Variants in GPCPD1 observed in about 807,000 individuals in gnomAD.
GPCPD1 encodes glycerophosphocholine phosphodiesterase GPCPD1.
In GPCPD1, 29 loss-of-function variants were observed where a neutral mutation model predicts 89.2. The ratio of observed to expected loss-of-function variants is 0.33; its 90% CI spans 0.24 to 0.44. GPCPD1 has a LOEUF of 0.44. Among genes scored for constraint, GPCPD1 ranks in the 20% least tolerant of loss-of-function variants. The pLI is 1.00. For synonymous variants in GPCPD1, 258 were observed against 266.3 expected (o/e 0.97, Z 0.30); for missense variants, 594 against 808.9 (o/e 0.73, Z 3.22).
chr20:5,576,206 G>T (rs1308613540), intron 8 of GPCPD1, among the ~76,000 whole-genome samples: 1 of 151,852 alleles, frequency 6.6e-6, no homozygotes, highest in Non-Finnish European at 1.5e-5. Flanking sequence ...AGATCACAAG[G>T]TCAGGAGTTT....
At chr20:5,582,063 G>A (rs1179411826) in intron 6 of GPCPD1, among the ~76,000 whole-genome samples, 1 of 147,602 alleles carries the variant, frequency 6.8e-6, no homozygotes, top group African/African-American at 2.5e-5. Flanking sequence ...GCGGGCGCCT[G>A]TAGTCCCAGC....
intron 13 of GPCPD1, 147 bp downstream of exon 13, chr20:5,567,336 C>A: frequency 1.0e-6 from 1 of 980,926 alleles, no homozygotes; most frequent in Non-Finnish European, 1.4e-6. Flanking sequence ...GAACCCTTCT[C>A]CCAAACAGAA....
At chr20:5,602,584 T>C (rs1475240099) in intron 2 of GPCPD1, among the ~76,000 whole-genome samples, 2 of 152,250 alleles carry the variant, frequency 1.3e-5, no homozygotes, top group East Asian at 1.9e-4. Context: ...AAGCTAGATG[T>C]AGTGTGAGTC....
intron 1 of GPCPD1, among the ~76,000 whole-genome samples, chr20:5,610,493 T>C (rs1980892999): frequency 6.6e-6 from 1 of 152,132 alleles, no homozygotes; most frequent in Non-Finnish European, 1.5e-5. Flanking sequence ...TTGGTGTCTT[T>C]GTTCCCCGAC....
Position 5,557,905 on chromosome 20 carries a change from C to T in GPCPD1, c.1829+40G>A, listed in dbSNP as rs201373305. The T allele has an allele frequency of 3.3e-5, 38 of 1,148,520 alleles. No individual in the cohort carries two copies. The African/African-American group carries it at 5.5e-4, about 16-fold the overall frequency. 71.1% of individuals were successfully genotyped at this position (1,148,520 alleles called of 1,614,324 possible). On this transcript the variant is annotated intron_variant, in intron 19 of 19. Coordinates refer to ENST00000379019, the MANE Select transcript of GPCPD1 (RefSeq NM_019593.5). Reference sequence around the variant, plus strand: ...ATAATTTCGTAAGATGAAATCTATACTTCTAAATTCCATGAAAATTTTTCA... The same window carrying T: ...ATAATTTCGTAAGATGAAATCTATATTTCTAAATTCCATGAAAATTTTTCA...
intron 14 of GPCPD1, 114 bp from the exon 15 acceptor site, chr20:5,565,192 G>C (rs1374786410): frequency 2.4e-5 from 16 of 662,416 alleles, no homozygotes; most frequent in Non-Finnish European, 3.8e-5. Flanking sequence ...GTGTGTGTGT[G>C]AGCAAGCGCG....
In GPCPD1 at chr20:5,548,081, G is replaced by A. The variant is rs528926179; in HGVS notation, c.1830-231C>T. 3.3e-5 allele frequency among the ~76,000 whole-genome samples: 5 copies of A among 152,178 alleles called. 1 individual carries two copies. In the South Asian group the frequency reaches 6.2e-4, roughly 19 times the overall value. ...AGCAGCATTGCCCTTTTGTACCCCC[G>A]ATGCAATGGAGCTCAACATAAAGCA... is the stretch of plus-strand genomic sequence containing the variant. On this transcript the variant is annotated intron_variant, in intron 19 of 19. Transcript: ENST00000379019.
intron 15 of GPCPD1, among the ~76,000 whole-genome samples, chr20:5,562,985 T>C (rs1986174053): frequency 6.7e-6 from 1 of 149,218 alleles, no homozygotes; most frequent in Non-Finnish European, 1.5e-5. Context: ...CGTTAAAATT[T>C]CTTTTTTTTT....
At chr20:5,549,654 G>T (rs1266619890) in intron 19 of GPCPD1, among the ~76,000 whole-genome samples, 1 of 151,546 alleles carries the variant, frequency 6.6e-6, no homozygotes, top group Non-Finnish European at 1.5e-5. Context: ...TCACTGAGGT[G>T]GGAGGACTGG....
At chr20:5,570,445 A>C (rs1265517764) in intron 11 of GPCPD1, among the ~76,000 whole-genome samples, 1 of 151,720 alleles carries the variant, frequency 6.6e-6, no homozygotes, top group Non-Finnish European at 1.5e-5. Flanking sequence ...AAAAAAAAAA[A>C]AACGGACACA....
At position 5,598,784 on chromosome 20, in the gene GPCPD1, C is replaced by G. The variant is rs1440425040; in HGVS notation, c.87G>C (p.Leu29Phe). The change falls in exon 3 of 20, where the codon TTG (leucine) becomes TTC (phenylalanine). Residue 29 changes from leucine to phenylalanine, a missense_variant. By Grantham distance (22) the Leu-to-Phe change is conservative. Transcript: ENST00000379019. The part of the protein sequence containing the change: ...VFAICGSCDA[L>F]GNWNPQNAVA... The stretch of plus-strand genomic sequence containing the variant: ...CAGCATTTTGAGGATTCCAGTTTCC[C>G]AAAGCATCACAGCTTCCACATATCG... The G allele has an allele frequency of 6.2e-7, 1 of 1,613,136 alleles. No individual in the cohort carries two copies. The highest frequency in any genetic ancestry group is 1.7e-5 in the Admixed American group (1 of 60,010).
chr20:5,555,940 G>A (rs1985739997), intron 19 of GPCPD1, among the ~76,000 whole-genome samples: 1 of 152,184 alleles, frequency 6.6e-6, no homozygotes, highest in Non-Finnish European at 1.5e-5. Context: ...GAAATATTGT[G>A]TAAAAGGAAG....
intron 2 of GPCPD1, among the ~76,000 whole-genome samples, chr20:5,601,974 T>C (rs1412473144): frequency 6.6e-6 from 1 of 152,230 alleles, no homozygotes; most frequent in Non-Finnish European, 1.5e-5. Flanking sequence ...TATGAAGACT[T>C]GAATGCTTAC....
intron 1 of GPCPD1, among the ~76,000 whole-genome samples, chr20:5,608,471 T>C (rs1980742362): frequency 1.3e-5 from 2 of 152,210 alleles, no homozygotes; most frequent in African/African-American, 2.4e-5. Context: ...CACTTGATTA[T>C]GGACAGAGGC....
intron 11 of GPCPD1, among the ~76,000 whole-genome samples, chr20:5,571,522 C>T (rs1986716971): frequency 6.6e-6 from 1 of 152,108 alleles, no homozygotes; most frequent in African/African-American, 2.4e-5. Context: ...TAAAATAACA[C>T]ATCTGAAAAT....
At chr20:5,578,321 G>A (rs549722811) in intron 8 of GPCPD1, 59 bp downstream of exon 8, 137 of 1,048,954 alleles carry the variant, frequency 1.3e-4, no homozygotes, top group East Asian at 6.9e-4. Flanking sequence ...CAAAACCAAC[G>A]TTAAAATAAG....
chr20:5,610,311 T>C (rs1328311522), intron 1 of GPCPD1, among the ~76,000 whole-genome samples: 1 of 152,198 alleles, frequency 6.6e-6, no homozygotes, highest in Non-Finnish European at 1.5e-5. Context: ...AAAGGCACTT[T>C]AGTTTCTTGG....
At position 5,547,818 on chromosome 20, in the gene GPCPD1, A is replaced by G; in HGVS notation, c.1862T>C (p.Ile621Thr). The G allele has an allele frequency of 6.2e-7, 1 of 1,607,146 alleles. No individual in the cohort carries two copies. The highest frequency in any genetic ancestry group is 8.5e-7 in the Non-Finnish European group (1 of 1,174,818). Residue 621 changes from isoleucine to threonine, a missense_variant, in exon 20 of 20, where the codon ATA becomes ACA. Transcript: ENST00000379019. ...IYDWMPEQPN[I>T]FQVEQLERLK... is the part of the protein sequence containing the mutation. ...GCGTTCCAATTGCTCCACTTGGAAT[A>G]TATTTGGTTGTTCAGGCATCCAATC...
At chr20:5,581,821 T>TTC (rs1978513741) in intron 6 of GPCPD1, among the ~76,000 whole-genome samples, 2 of 81,040 alleles carry the variant, frequency 2.5e-5, no homozygotes, top group African/African-American at 8.0e-5. Flanking sequence ...TAACTTTTTT[T>TTC]TTTTTTTTTT....
Sources: gnomAD v4.1 joint callset for allele counts (sites outside exome capture counted in the v4.1 genomes callset) on GRCh38, gnomAD v4.1.1 for gene constraint, MANE v1.5 for transcripts, NCBI Gene and HGNC (gene_info 2026-07-23, HGNC 2026-07-21) for gene names.